The following RABGAP1L variants were observed in gnomAD, a reference collection of about 807,000 sequenced individuals.
The protein encoded by RABGAP1L is RAB GTPase activating protein 1 like, also known as rab GTPase-activating protein 1-like.
A neutral mutation model predicts 137.7 loss-of-function variants in RABGAP1L; 63 were observed. The observed-to-expected ratio is 0.46, with a 90% confidence interval of 0.37 to 0.56. The LOEUF (loss-of-function observed/expected upper bound fraction) is 0.56, where lower values mean the gene tolerates loss of function less well. RABGAP1L is among the 20% of genes least tolerant of loss of function. RABGAP1L has a pLI of 0.00. For missense variants in RABGAP1L, 1,095 were observed against 1,244.0 expected, an observed-to-expected ratio of 0.88 and a Z score of 1.80; for synonymous variants, 431 against 433.7, an observed-to-expected ratio of 0.99 and a Z score of 0.08.
At chr1:174,692,574 T>C (rs1678949239) in intron 15 of RABGAP1L, among the ~76,000 whole-genome samples, 1 of 152,220 alleles carries the variant, frequency 6.6e-6, no homozygotes, top group Non-Finnish European at 1.5e-5. Context: ...CAAGAAATGC[T>C]GTCACTTATA....
At chr1:174,247,607 C>T (rs1468396667) in intron 5 of RABGAP1L, among the ~76,000 whole-genome samples, 1 of 152,238 alleles carries the variant, frequency 6.6e-6, no homozygotes, top group African/African-American at 2.4e-5. Context: ...CCTTCTTGCC[C>T]TTGCCCCACA....
At chr1:174,587,180 G>T (rs1330190813) in intron 13 of RABGAP1L, among the ~76,000 whole-genome samples, 1 of 150,076 alleles carries the variant, frequency 6.7e-6, no homozygotes, top group Non-Finnish European at 1.5e-5. Flanking sequence ...CCAAGTCTTT[G>T]CTATTGTGAA....
intron 13 of RABGAP1L, among the ~76,000 whole-genome samples, chr1:174,528,190 A>C (rs983363765): frequency 1.3e-5 from 2 of 150,778 alleles, no homozygotes; most frequent in Non-Finnish European, 3.0e-5. Flanking sequence ...CATATAGTCA[A>C]TTGTTTTTGG....
chr1:174,475,709 T>TG (rs1278298679), intron 13 of RABGAP1L, among the ~76,000 whole-genome samples: 3 of 142,714 alleles, frequency 2.1e-5, no homozygotes, highest in African/African-American at 7.8e-5. Context: ...AGTTCAAGGC[T>TG]GCAGTGAGTT....
At chr1:174,572,066 A>G (rs1278631962) in intron 13 of RABGAP1L, among the ~76,000 whole-genome samples, 1 of 152,224 alleles carries the variant, frequency 6.6e-6, no homozygotes, top group Non-Finnish European at 1.5e-5. Flanking sequence ...AAACATTTTC[A>G]AAAACATTCC....
At chr1:174,584,826 G>A (rs961220541) in intron 13 of RABGAP1L, among the ~76,000 whole-genome samples, 2 of 132,720 alleles carry the variant, frequency 1.5e-5, no homozygotes, top group Non-Finnish European at 3.1e-5. Context: ...CTCAAAAGAT[G>A]TATGTGTATG....
chr1:174,908,537 C>CTTTTT (rs774387616), intron 19 of RABGAP1L, among the ~76,000 whole-genome samples: 18 of 94,382 alleles, frequency 1.9e-4, no homozygotes, highest in African/African-American at 2.5e-4. Flanking sequence ...ACAACATATT[C>CTTTTT]TTTTTTTTTT....
intron 13 of RABGAP1L, among the ~76,000 whole-genome samples, chr1:174,547,291 G>A (rs1252100087): frequency 6.6e-6 from 1 of 152,028 alleles, no homozygotes; most frequent in Non-Finnish European, 1.5e-5. Flanking sequence ...TGTGAGCGTT[G>A]ATTATTTTTA....
At chr1:174,965,960 G>A (rs913158413) in intron 20 of RABGAP1L, among the ~76,000 whole-genome samples, 3 of 152,180 alleles carry the variant, frequency 2.0e-5, no homozygotes, top group African/African-American at 4.8e-5. Context: ...TCATTGTAAT[G>A]AGAAGTTACT....
intron 14 of RABGAP1L, among the ~76,000 whole-genome samples, chr1:174,669,537 C>T (rs2148442876): frequency 6.6e-6 from 1 of 152,272 alleles, no homozygotes; most frequent in Admixed American, 6.5e-5. Flanking sequence ...CCTTTGAAGT[C>T]ATATCCAAAA....
chr1:174,598,452 T>A (rs547305066), intron 13 of RABGAP1L, among the ~76,000 whole-genome samples: 2 of 152,138 alleles, frequency 1.3e-5, no homozygotes, highest in Non-Finnish European at 2.9e-5. Flanking sequence ...TAAGTCCAAT[T>A]TTTTTGTTGA....
At chr1:174,691,177 C>T (rs1220614208) in intron 15 of RABGAP1L, among the ~76,000 whole-genome samples, 1 of 152,036 alleles carries the variant, frequency 6.6e-6, no homozygotes, top group Non-Finnish European at 1.5e-5. Flanking sequence ...GTGTTCATCT[C>T]CTTCATAGAG....
chr1:174,386,770 G>A (rs1013475730), intron 12 of RABGAP1L, among the ~76,000 whole-genome samples: 1 of 152,096 alleles, frequency 6.6e-6, no homozygotes, highest in Non-Finnish European at 1.5e-5. Context: ...GCCTCCCAAA[G>A]TGCTGGGATT....
intron 11 of RABGAP1L, among the ~76,000 whole-genome samples, chr1:174,316,008 A>T (rs1279864367): frequency 6.6e-6 from 1 of 151,946 alleles, no homozygotes. Context: ...CTGCCTCATC[A>T]ATTTTGCTAT....
chr1:174,851,553 G>T (rs148341209), intron 19 of RABGAP1L, among the ~76,000 whole-genome samples: 344 of 151,816 alleles, frequency 2.3e-3, no homozygotes, highest in African/African-American at 7.8e-3. Context: ...ACAGGGCCTT[G>T]CTCTGTCGCC....
At chr1:174,624,165 T>C (rs1358050602) in intron 13 of RABGAP1L, among the ~76,000 whole-genome samples, 1 of 152,210 alleles carries the variant, frequency 6.6e-6, no homozygotes, top group African/African-American at 2.4e-5. Flanking sequence ...TTTCCTGCTT[T>C]GGAGGGTTTG....
In RABGAP1L at chr1:174,993,817, C is replaced by G. The variant is rs1672213062; in HGVS notation, c.*3816C>G. The G allele has an allele frequency of 6.6e-6, 1 of 152,156 alleles. No individual in the cohort carries two copies. Among genetic ancestry groups the G allele is most frequent in the African/African-American group, 2.4e-5 (1 of 41,438 alleles). The allele number at this position is 152,156 out of a possible 1,614,324, so 9.4% of individuals were successfully genotyped here. ...AAGATGATTATATTATATAACTTGC[C>G]CTTAAAAACACTCCAAAATACTGAC... On this transcript the variant is annotated 3_prime_UTR_variant, in exon 26 of 26. Coordinates refer to ENST00000681986, the MANE Select transcript of RABGAP1L (RefSeq NM_001366446.1).
chr1:174,356,934 A>C (rs1683692859), intron 11 of RABGAP1L, among the ~76,000 whole-genome samples: 1 of 152,146 alleles, frequency 6.6e-6, no homozygotes, highest in Non-Finnish European at 1.5e-5. Context: ...ACACTATGTA[A>C]TTGAGAGTAT....
intron 7 of RABGAP1L, among the ~76,000 whole-genome samples, chr1:174,254,569 T>C (rs1358927309): frequency 1.3e-5 from 2 of 152,236 alleles, no homozygotes; most frequent in South Asian, 4.1e-4. Flanking sequence ...CTCCCACTTA[T>C]GAGTGAGAAC....
Sources: gnomAD v4.1 joint callset for allele counts (sites outside exome capture counted in the v4.1 genomes callset) on GRCh38, gnomAD v4.1.1 for gene constraint, MANE v1.5 for transcripts, NCBI Gene and HGNC (gene_info 2026-07-23, HGNC 2026-07-21) for gene names.